Variants in RHOU observed in about 807,000 individuals in gnomAD.
RHOU encodes the protein ras homolog family member U, also known as rho-related GTP-binding protein RhoU.
A neutral mutation model predicts 12.6 loss-of-function variants in RHOU; 8 were observed. The ratio of observed to expected loss-of-function variants is 0.64; its 90% CI spans 0.37 to 1.15. The LOEUF (loss-of-function observed/expected upper bound fraction) is 1.15. Ranked by LOEUF, RHOU falls within the 50% of genes most tolerant of loss-of-function variation. The pLI, the probability that RHOU is intolerant of heterozygous loss-of-function variation, is 0.01. For missense variants in RHOU, 258 were observed against 347.0 expected (o/e 0.74, Z 2.04); for synonymous variants, 161 against 147.4 (o/e 1.09, Z -0.67).
chr1:228,704,442 AT>A, the RHOU span, among the ~76,000 whole-genome samples: 14 of 151,750 alleles, frequency 9.2e-5, no homozygotes, highest in South Asian at 2.1e-4. Context: ...CAATTAGTCA[AT>A]TTTTTTTATT....
At chr1:228,663,616 TTTTC>T in the RHOU span, among the ~76,000 whole-genome samples, 1 of 101,338 alleles carries the variant, frequency 9.9e-6, no homozygotes, top group African/African-American at 4.0e-5. Context: ...TTTTCTTTTC[TTTTC>T]TTTTCTTTTT....
At chr1:228,730,204 G>A in the RHOU span, among the ~76,000 whole-genome samples, 3 of 152,206 alleles carry the variant, frequency 2.0e-5, no homozygotes, top group South Asian at 2.1e-4. Flanking sequence ...TGCTGGGGAA[G>A]TTCAGAGGGA....
chr1:228,689,794 G>A, the RHOU span, among the ~76,000 whole-genome samples: 13 of 151,866 alleles, frequency 8.6e-5, no homozygotes, highest in South Asian at 2.1e-4. Flanking sequence ...GTTTCATACC[G>A]AAACCATCCC....
chr1:228,727,577 A>C, the RHOU span, among the ~76,000 whole-genome samples: 1 of 152,198 alleles, frequency 6.6e-6, no homozygotes, highest in Non-Finnish European at 1.5e-5. Flanking sequence ...AAGTCCATAC[A>C]TTCATTCTGA....
chr1:228,693,680 C>A, the RHOU span, among the ~76,000 whole-genome samples: 3 of 152,244 alleles, frequency 2.0e-5, no homozygotes, highest in South Asian at 4.1e-4. Flanking sequence ...ATTGGCCAGG[C>A]TGGTCTCCAA....
chr1:228,660,399 A>G, the RHOU span, among the ~76,000 whole-genome samples: 1 of 151,898 alleles, frequency 6.6e-6, no homozygotes, highest in African/African-American at 2.4e-5. Flanking sequence ...TCAAATATTT[A>G]GATAACTAAT....
chr1:228,663,972 C>T, the RHOU span, among the ~76,000 whole-genome samples: 2 of 113,540 alleles, frequency 1.8e-5, no homozygotes, highest in Non-Finnish European at 3.8e-5. Context: ...CTCCCCTCCC[C>T]TCCCCTTCCC....
chr1:228,661,577 A>G, the RHOU span, among the ~76,000 whole-genome samples: 299 of 152,312 alleles, frequency 2.0e-3, 1 homozygote, highest in Non-Finnish European at 3.8e-3. Context: ...AATAACTGGG[A>G]AAAGGATTCC....
At chr1:228,678,411 G>T in the RHOU span, among the ~76,000 whole-genome samples, 1 of 152,114 alleles carries the variant, frequency 6.6e-6, no homozygotes, top group East Asian at 1.9e-4. Flanking sequence ...TGGCCGTGAG[G>T]GACAGAAGTT....
At chr1:228,664,904 G>C in the RHOU span, among the ~76,000 whole-genome samples, 4 of 152,182 alleles carry the variant, frequency 2.6e-5, no homozygotes, top group South Asian at 8.3e-4. Flanking sequence ...CATCCGCCTC[G>C]GCCTCCCAAA....
chr1:228,674,656 C>A, the RHOU span, among the ~76,000 whole-genome samples: 1 of 149,810 alleles, frequency 6.7e-6, no homozygotes, highest in Non-Finnish European at 1.5e-5. Context: ...TGTTTAGTAC[C>A]TTTTGTACCC....
At chr1:228,726,865 A>G in the RHOU span, among the ~76,000 whole-genome samples, 1 of 152,184 alleles carries the variant, frequency 6.6e-6, no homozygotes, top group Non-Finnish European at 1.5e-5. Flanking sequence ...CACCTGGAAG[A>G]TGAGGGGGAG....
chr1:228,678,405 C>G, the RHOU span, among the ~76,000 whole-genome samples: 1 of 152,024 alleles, frequency 6.6e-6, no homozygotes, highest in Non-Finnish European at 1.5e-5. Flanking sequence ...AAAAACTGGC[C>G]GTGAGGGACA....
chr1:228,699,781 T>C, the RHOU span, among the ~76,000 whole-genome samples: 1 of 152,156 alleles, frequency 6.6e-6, no homozygotes, highest in Non-Finnish European at 1.5e-5. Context: ...AAATATGTCC[T>C]AATAACCTTT....
the RHOU span, among the ~76,000 whole-genome samples, chr1:228,727,816 G>C: frequency 6.6e-6 from 1 of 152,154 alleles, no homozygotes; most frequent in Non-Finnish European, 1.5e-5. Context: ...TACATGGCTA[G>C]TTCTTATCTT....
At chr1:228,650,365 T>C in the RHOU span, 2 of 460,368 alleles carry the variant, frequency 4.3e-6, no homozygotes, top group African/African-American at 4.0e-5. Context: ...CGTGCCTGGC[T>C]CACTCAACAT....
the RHOU span, among the ~76,000 whole-genome samples, chr1:228,682,670 G>A: frequency 6.6e-6 from 1 of 152,184 alleles, no homozygotes; most frequent in Non-Finnish European, 1.5e-5. Flanking sequence ...TTAGGGTGGG[G>A]CAGAAACAAA....
the RHOU span, among the ~76,000 whole-genome samples, chr1:228,674,314 A>G: frequency 6.7e-6 from 1 of 150,188 alleles, no homozygotes; most frequent in South Asian, 2.1e-4. Flanking sequence ...AATTTAGTCT[A>G]ATATACACAT....
At chr1:228,723,959 C>G in the RHOU span, among the ~76,000 whole-genome samples, 1 of 152,184 alleles carries the variant, frequency 6.6e-6, no homozygotes, top group Non-Finnish European at 1.5e-5. Flanking sequence ...TAGACATCCA[C>G]GGGACTTGCT....
Sources: allele counts gnomAD v4.1 joint callset (sites outside exome capture counted in the v4.1 genomes callset), GRCh38; gene constraint gnomAD v4.1.1; transcripts MANE v1.5; gene names NCBI Gene and HGNC (gene_info 2026-07-23, HGNC 2026-07-21).